The following SLC5A12 variants were observed in gnomAD, a reference collection of about 807,000 sequenced individuals.
The protein encoded by SLC5A12 is sodium-coupled monocarboxylate transporter 2.
A neutral mutation model predicts 72.7 loss-of-function variants in SLC5A12; 46 were observed. The observed-to-expected ratio is 0.63, with a 90% CI of 0.50 to 0.81. The LOEUF (loss-of-function observed/expected upper bound fraction) is 0.81, where lower values mean the gene tolerates loss of function less well. Ranked by LOEUF, SLC5A12 falls within the 30% of genes least tolerant of loss-of-function variation. The pLI is 0.00. For synonymous variants in SLC5A12, 275 were observed against 264.4 expected (o/e 1.04, Z -0.39); for missense variants, 683 against 740.7 (o/e 0.92, Z 0.90).
chr11:26,719,607 G>T (rs1028108865), intron 1 of SLC5A12, among the ~76,000 whole-genome samples: 1 of 152,050 alleles, frequency 6.6e-6, no homozygotes, highest in Non-Finnish European at 1.5e-5. Context: ...CCTTCAACAT[G>T]CCAGTCACAC....
intron 6 of SLC5A12, among the ~76,000 whole-genome samples, chr11:26,703,083 A>G (rs1854997807): frequency 1.3e-5 from 2 of 152,160 alleles, no homozygotes; most frequent in Admixed American, 6.5e-5. Context: ...TGCCTAATTC[A>G]TAAATCACTG....
intron 13 of SLC5A12, among the ~76,000 whole-genome samples, chr11:26,674,096 T>A (rs1461627433): frequency 3.9e-5 from 6 of 152,148 alleles, no homozygotes; most frequent in Admixed American, 2.6e-4. Flanking sequence ...ATGTCCTATT[T>A]CTTCAAATCC....
chr11:26,672,051 A>G (rs4418758), intron 14 of SLC5A12, among the ~76,000 whole-genome samples: 43,091 of 151,982 alleles, frequency 0.28, 6,300 homozygotes, highest in East Asian at 0.46. Context: ...TTCCAATTTT[A>G]AATTCTCACA....
At chr11:26,720,858 G>A (rs1012293944) in intron 1 of SLC5A12, among the ~76,000 whole-genome samples, 4 of 152,022 alleles carry the variant, frequency 2.6e-5, no homozygotes, top group African/African-American at 4.8e-5. Flanking sequence ...TTAAAAATTA[G>A]TCTTATTATA....
rs1854956541 is a variant in SLC5A12, at chr11:26,701,468, C to T, written c.821+2063G>A. Among the ~76,000 whole-genome samples, 3 of 152,234 alleles carry T rather than the reference C, an allele frequency of 2.0e-5. No homozygotes were observed. The South Asian group carries it at 6.2e-4, about 32-fold the overall frequency. On this transcript the variant is annotated intron_variant, in intron 6 of 14. Transcript: ENST00000396005. ...ATGAGTATGCCTCCTTTTCTGACAG[C>T]TTTCATACTCACTAAATACTAGTAC...
At chr11:26,710,956 C>T (rs1855211777) in intron 3 of SLC5A12, among the ~76,000 whole-genome samples, 1 of 151,980 alleles carries the variant, frequency 6.6e-6, no homozygotes, top group Non-Finnish European at 1.5e-5. Flanking sequence ...TTATCTACTT[C>T]ATGAGATTAC....
At position 26,687,503 on chromosome 11, in the gene SLC5A12, C is replaced by T. The variant is rs1266273251; in HGVS notation, c.1154-959G>A. ...CATAGATGAGACACTGCACCAGATG[C>T]CAGTGCCATAAAGTTAGAATGTGAT... On this transcript the variant is annotated intron_variant, in intron 9 of 14. Transcript: ENST00000396005. Among the ~76,000 whole-genome samples, 4 of 152,168 alleles carry T rather than the reference C, an allele frequency of 2.6e-5. No individual in the cohort carries two copies. The East Asian group carries it at 7.7e-4, about 29-fold the overall frequency.
intron 13 of SLC5A12, among the ~76,000 whole-genome samples, chr11:26,674,335 T>C (rs1412088415): frequency 2.0e-5 from 3 of 150,250 alleles, no homozygotes; most frequent in African/African-American, 7.4e-5. Flanking sequence ...TGCCAGATAC[T>C]GTGACCATCC....
chr11:26,682,583 G>A (rs1418287778), intron 11 of SLC5A12, among the ~76,000 whole-genome samples: 1 of 152,238 alleles, frequency 6.6e-6, no homozygotes, highest in East Asian at 1.9e-4. Context: ...TCTAGGCAAA[G>A]GCCATGTCTT....
At chr11:26,672,512 T>C (rs1854166872) in intron 14 of SLC5A12, among the ~76,000 whole-genome samples, 1 of 152,120 alleles carries the variant, frequency 6.6e-6, no homozygotes, top group Non-Finnish European at 1.5e-5. Context: ...CATTGCACTC[T>C]TACCAATGCT....
intron 6 of SLC5A12, among the ~76,000 whole-genome samples, chr11:26,699,400 A>G (rs1216563272): frequency 1.3e-5 from 2 of 152,204 alleles, no homozygotes; most frequent in Non-Finnish European, 2.9e-5. Context: ...TCTAAAACCT[A>G]TACCGTACAG....
At chr11:26,675,855 T>G (rs1217161656) in intron 13 of SLC5A12, among the ~76,000 whole-genome samples, 1 of 151,682 alleles carries the variant, frequency 6.6e-6, no homozygotes, top group Admixed American at 6.6e-5. Context: ...AGATTAGGAG[T>G]GGAAAGGGCA....
Position 26,678,815 on chromosome 11 carries a change from T to C in SLC5A12, c.1476A>G (p.Arg492=), listed in dbSNP as rs1361520629. ...TATGPPVLSS[R]PGIADTWYSI... ...AGTACCAGGTATCAGCTATTCCAGGTCTGTGGAGAACAGCACATGTCACCA... is the reference window on the plus strand; with the variant it reads ...AGTACCAGGTATCAGCTATTCCAGGCCTGTGGAGAACAGCACATGTCACCA... The change falls in exon 13 of 15, where the codon AGA becomes AGG. Residue 492 remains arginine (R), a splice_region_variant and synonymous_variant. Coordinates refer to ENST00000396005, the MANE Select transcript of SLC5A12 (RefSeq NM_178498.4). 6 of 1,608,328 alleles carry C rather than the reference T, an allele frequency of 3.7e-6. No individual in the cohort carries two copies. The highest frequency in any genetic ancestry group is 5.1e-6 in the Non-Finnish European group (6 of 1,175,522).
At chr11:26,671,289 C>G in intron 14 of SLC5A12, 38 bp from the exon 15 acceptor site, 1 of 1,532,532 alleles carries the variant, frequency 6.5e-7, no homozygotes, top group Non-Finnish European at 8.8e-7. Flanking sequence ...GCAAGATATC[C>G]TTGATGTACT....
chr11:26,679,670 G>A (rs1489053311), intron 12 of SLC5A12, among the ~76,000 whole-genome samples: 1 of 152,166 alleles, frequency 6.6e-6, no homozygotes, highest in Non-Finnish European at 1.5e-5. Flanking sequence ...GTAGGAAAGA[G>A]TGGGATAAGC....
At position 26,669,187 on chromosome 11, in the gene SLC5A12, T is replaced by TTTCTCTTTCTTTCTTTC. The variant is rs1854073553; in HGVS notation, c.*1914_*1915insGAAAGAAAGAAAGAGAA. On this transcript the variant is annotated 3_prime_UTR_variant, in exon 15 of 15. Transcript: ENST00000396005. Reference sequence around the variant, plus strand: ...TGTCTTTTTCTTTCTTTCTTTCTTCTTTTCTTTCTTTCTTTCTTTCTTTCT... The same window carrying TTTCTCTTTCTTTCTTTC: ...TGTCTTTTTCTTTCTTTCTTTCTTCTTTCTCTTTCTTTCTTTCTTTCTTTCTTTCTTTCTTTCTTTCT... 18 of 110,998 alleles carry TTTCTCTTTCTTTCTTTC rather than the reference T, an allele frequency of 1.6e-4. No homozygotes were observed. The highest frequency in any genetic ancestry group is 3.7e-4 in the Admixed American group (4 of 10,752). The allele number at this position is 110,998 out of a possible 1,614,324, so 6.9% of individuals were successfully genotyped here.
At chr11:26,685,299 T>C (rs1854502100) in intron 10 of SLC5A12, among the ~76,000 whole-genome samples, 1 of 152,190 alleles carries the variant, frequency 6.6e-6, no homozygotes, top group African/African-American at 2.4e-5. Flanking sequence ...TGAAAACTTA[T>C]GCCATGATAA....
Position 26,671,199 on chromosome 11 carries a change from T to C in SLC5A12, c.1760A>G (p.Gln587Arg). ...ARKQGAESVL[Q>R]NGLRRESLVH... ...CAGGCTTTCTCTTCTGAGTCCGTTC[T>C]GTAAGACAGATTCAGCCCCCTGTTT... Residue 587 changes from glutamine to arginine, a missense_variant, in exon 15 of 15, where the codon CAG becomes CGG. By Grantham distance (43) the Gln-to-Arg change is conservative. Coordinates refer to ENST00000396005, the MANE Select transcript of SLC5A12 (RefSeq NM_178498.4). 6.2e-7 allele frequency: 1 copy of C among 1,610,730 alleles called. No individual in the cohort carries two copies. Among genetic ancestry groups the C allele is most frequent in the East Asian group, 2.2e-5 (1 of 44,600 alleles).
chr11:26,684,860 A>G (rs1291106422), intron 10 of SLC5A12, among the ~76,000 whole-genome samples: 1 of 152,220 alleles, frequency 6.6e-6, no homozygotes, highest in African/African-American at 2.4e-5. Flanking sequence ...TGTGGCGCAC[A>G]AGACATCAGA....
Sources: gnomAD v4.1 joint callset for allele counts (sites outside exome capture counted in the v4.1 genomes callset) on GRCh38, gnomAD v4.1.1 for gene constraint, MANE v1.5 for transcripts, NCBI Gene and HGNC (gene_info 2026-07-23, HGNC 2026-07-21) for gene names.